The following EPN3 variants were observed in gnomAD, a reference collection of about 807,000 sequenced individuals.
EPN3 encodes epsin-3.
Under a neutral mutation model 55.5 loss-of-function variants are expected in EPN3, and 56 were observed. The ratio of observed to expected loss-of-function variants is 1.01; its 90% confidence interval spans 0.81 to 1.26. The LOEUF (loss-of-function observed/expected upper bound fraction) is 1.26, where lower values mean the gene tolerates loss of function less well. Among genes scored for constraint, EPN3 ranks in the 50% most tolerant of loss-of-function variants. The pLI is 0.00. For missense variants in EPN3, 927 were observed against 853.4 expected (o/e 1.09, Z -1.07); for synonymous variants, 449 against 375.2 (o/e 1.20, Z -2.27).
At chr17:50,535,386 C>T (rs2034744817) in intron 1 of EPN3, among the ~76,000 whole-genome samples, 1 of 152,216 alleles carries the variant, frequency 6.6e-6, no homozygotes, top group Non-Finnish European at 1.5e-5. Flanking sequence ...AGGTCCCATC[C>T]CCTCTCTGGC....
intron 3 of EPN3, 177 bp from the exon 4 acceptor site, chr17:50,538,707 T>C: frequency 1.9e-6 from 1 of 514,104 alleles, no homozygotes; most frequent in Non-Finnish European, 3.5e-6. Flanking sequence ...TAAACTGCAT[T>C]TCAGATGCAG....
chr17:50,539,444 G>A, intron 5 of EPN3, 129 bp downstream of exon 5: 1 of 1,389,922 alleles, frequency 7.2e-7, no homozygotes, highest in Non-Finnish European at 9.7e-7. Context: ...AAATAGGGGT[G>A]GGGGTGTAGC....
chr17:50,537,374 G>T lies in EPN3; in HGVS notation c.562+256G>T, dbSNP rs1038921899. On this transcript the variant is annotated intron_variant, in intron 2 of 9. Transcript: ENST00000268933. ...AGGATGGCGCGATAGTGGAAGCATGGGTTTGGAGTCAGATAGCATTCTATA... is the reference window on the plus strand; with the variant it reads ...AGGATGGCGCGATAGTGGAAGCATGTGTTTGGAGTCAGATAGCATTCTATA... The T allele has an allele frequency of 1.1e-5, 6 of 541,968 alleles. No individual in the cohort carries two copies. The Admixed American group carries it at 2.0e-4, about 18-fold the overall frequency. 33.6% of individuals were successfully genotyped at this position (541,968 alleles called of 1,614,324 possible). A position where few individuals can be genotyped will look rare whatever the true frequency, so the allele number is the denominator to read the frequency against.
chr17:50,535,174 C>T (rs943890898), intron 1 of EPN3, among the ~76,000 whole-genome samples: 10 of 152,200 alleles, frequency 6.6e-5, no homozygotes, highest in East Asian at 3.8e-4. Flanking sequence ...ATGTGTCCAG[C>T]GTTTTGGGGC....
chr17:50,542,095 A>T lies in EPN3; in HGVS notation c.1837A>T (p.Thr613Ser), dbSNP rs1597864857. 1.3e-6 allele frequency: 2 copies of T among 1,565,556 alleles called. No homozygotes were observed. The highest frequency in any genetic ancestry group is 1.7e-6 in the Non-Finnish European group (2 of 1,166,156). ...GAFAPQPLLP[T>S]PSSAGPRPPP... is the part of the protein sequence containing the mutation. ...CTTCGCACCGCAGCCGCTGCTGCCC[A>T]CGCCGAGCTCAGCCGGGCCGCGGCC... is the stretch of plus-strand genomic sequence containing the variant. Residue 613 changes from threonine to serine, a missense_variant, in exon 10 of 10, where the codon ACG (threonine) becomes TCG (serine). Coordinates refer to ENST00000268933, the MANE Select transcript of EPN3 (RefSeq NM_017957.3).
rs755709331 is a variant in EPN3 at position 50,536,847 on chromosome 17, C to G, written c.291C>G (p.Arg97=). The G allele has an allele frequency of 6.2e-7, 1 of 1,614,124 alleles. No homozygotes were observed. Among genetic ancestry groups the G allele is most frequent in the South Asian group, 1.1e-5 (1 of 91,084 alleles). ...CCGAGCGGGTGGCCCACCAGTGCCG[C>G]GAGAACCTCTACACCATCCAGACAC... ...TGSERVAHQC[R]ENLYTIQTLK... is the part of the protein sequence containing the mutation. The change falls in exon 2 of 10, where the codon CGC becomes CGG. Residue 97 remains arginine, a synonymous_variant. Transcript: ENST00000268933.
chr17:50,534,587 T>C (rs2034731166), intron 1 of EPN3: 6 of 985,400 alleles, frequency 6.1e-6, no homozygotes, highest in Non-Finnish European at 7.2e-6. Context: ...GTTAAACAAG[T>C]TGTGGCCGTG....
intron 5 of EPN3, among the ~76,000 whole-genome samples, chr17:50,540,032 CCCTA>C (rs1450038831): frequency 6.6e-6 from 1 of 152,218 alleles, no homozygotes; most frequent in Non-Finnish European, 1.5e-5. Context: ...ACATCATCTG[CCCTA>C]CCTACCTCAC....
rs1416911213 is a variant in EPN3, at chr17:50,534,564, G to A, written c.-137+1579G>A. Reference sequence around the variant, plus strand: ...AAGGCAGGTCTGAGTCACTAGCAAGGGGGAGGGCAGGAGTTAAACAAGTTG... The same window carrying A: ...AAGGCAGGTCTGAGTCACTAGCAAGAGGGAGGGCAGGAGTTAAACAAGTTG... On this transcript the variant is annotated intron_variant, in intron 1 of 9. Coordinates refer to ENST00000268933, the MANE Select transcript of EPN3 (RefSeq NM_017957.3). The A allele has an allele frequency of 1.0e-4, 103 of 985,374 alleles. 1 individual carries two copies. The highest frequency in any genetic ancestry group is 1.2e-4 in the Non-Finnish European group (102 of 829,974). 61.0% of individuals were successfully genotyped at this position (985,374 alleles called of 1,614,324 possible). A position where few individuals can be genotyped will look rare whatever the true frequency, so the allele number is the denominator to read the frequency against.
intron 2 of EPN3, 193 bp downstream of exon 2, chr17:50,537,311 G>A (rs1369984053): frequency 9.7e-6 from 6 of 620,338 alleles, no homozygotes; most frequent in East Asian, 2.8e-5. Context: ...AGATAATAAC[G>A]TTGTTATAGA....
intron 2 of EPN3, 153 bp from the exon 3 acceptor site, chr17:50,537,926 C>T (rs544880049): frequency 3.2e-6 from 2 of 620,578 alleles, no homozygotes; most frequent in South Asian, 4.0e-5. Flanking sequence ...GGGGAACTTA[C>T]AGAGTGCCTG....
Position 50,536,970 on chromosome 17 carries a change from G to A in EPN3, c.414G>A (p.Glu138=), listed in dbSNP as rs751305082. 1.2e-6 allele frequency: 2 copies of A among 1,613,912 alleles called. No homozygotes were observed. Among genetic ancestry groups the A allele is most frequent in the East Asian group, 2.2e-5 (1 of 44,886 alleles). Residue 138 remains glutamate (E), a synonymous_variant, in exon 2 of 10, where the codon GAG becomes GAA. Transcript: ENST00000268933. ...TGATGGCCCTGCTCAAGGATGAGGAGCGGCTGCGGCAGGAGCGAACCCACG... is the reference window on the plus strand; with the variant it reads ...TGATGGCCCTGCTCAAGGATGAGGAACGGCTGCGGCAGGAGCGAACCCACG... The part of the protein sequence containing the change: ...KQVMALLKDE[E]RLRQERTHAL...
rs574215490 is a variant in EPN3 at position 50,533,102 on chromosome 17, G to C, written c.-137+117G>C. On this transcript the variant is annotated intron_variant, in intron 1 of 9. Coordinates refer to ENST00000268933, the MANE Select transcript of EPN3 (RefSeq NM_017957.3). The stretch of plus-strand genomic sequence containing the variant: ...TTTTCCAGGTGCGAGGGAGAAGGCT[G>C]AGCTGTAGAGGACCTAAAGGCTTCT... 1.2e-5 allele frequency: 7 copies of C among 594,600 alleles called. No individual in the cohort carries two copies. In the African/African-American group the frequency reaches 1.2e-4, roughly 10 times the overall value. 36.8% of individuals were successfully genotyped at this position (594,600 alleles called of 1,614,324 possible).
At position 50,542,240 on chromosome 17, in the gene EPN3, CG is replaced by C; in HGVS notation, c.*85del. The C allele has an allele frequency of 7.3e-7, 1 of 1,361,212 alleles. No individual in the cohort carries two copies. Among genetic ancestry groups the C allele is most frequent in the South Asian group, 1.6e-5 (1 of 62,554 alleles). 84.3% of individuals were successfully genotyped at this position (1,361,212 alleles called of 1,614,324 possible). A position where few individuals can be genotyped will look rare whatever the true frequency, so the allele number is the denominator to read the frequency against. On this transcript the variant is annotated 3_prime_UTR_variant, in exon 10 of 10. Transcript: ENST00000268933. ...CCGGACCCGGGGCTGGGCGGGGCGC[CG>C]GTGCTAGTGGAACGCCGAGCCAGTG...
rs1430703368 is a variant in EPN3 at position 50,541,755 on chromosome 17, G to A, written c.1585+61G>A. On this transcript the variant is annotated intron_variant, in intron 9 of 9. Transcript: ENST00000268933. ...CTGCTTTCAGAGCCTAGCCTCCGCC[G>A]GAGGAGCCCACTCTTCTTCCCAACT... The A allele has an allele frequency of 1.4e-5, 23 of 1,606,968 alleles. No individual in the cohort carries two copies. The Admixed American group carries it at 3.0e-4, about 21-fold the overall frequency.
rs139261708 is a variant in EPN3 at position 50,536,928 on chromosome 17, C to T, written c.372C>T (p.Arg124=). Residue 124 remains arginine, a synonymous_variant, in exon 2 of 10, where the codon CGC becomes CGT. Coordinates refer to ENST00000268933, the MANE Select transcript of EPN3 (RefSeq NM_017957.3). ...RDGKDQGVNV[R]EKVKQVMALL... ...GCAAGGACCAGGGCGTCAACGTGCG[C>T]GAGAAGGTCAAGCAGGTGATGGCCC... is the stretch of plus-strand genomic sequence containing the variant. The T allele has an allele frequency of 4.9e-4, 796 of 1,614,128 alleles. 6 individuals carry two copies. In the African/African-American group the frequency reaches 8.7e-3, roughly 18 times the overall value.
intron 4 of EPN3, 90 bp downstream of exon 4, chr17:50,539,054 C>G (rs952067252): frequency 1.6e-5 from 25 of 1,535,926 alleles, no homozygotes; most frequent in African/African-American, 2.7e-5. Context: ...CCGCTGTACC[C>G]GGTGGCCCTG....
intron 2 of EPN3, 79 bp downstream of exon 2, chr17:50,537,197 T>G: frequency 7.4e-7 from 1 of 1,356,600 alleles, no homozygotes; most frequent in Non-Finnish European, 9.9e-7. Context: ...AAGCCATGGT[T>G]CATAATACCT....
chr17:50,537,107 C>A lies in EPN3; in HGVS notation c.551C>A (p.Ser184Tyr). Reference protein sequence around the residue: ...EDYSRSRGSPSSYNSSSSSPR... With the variant: ...EDYSRSRGSPYSYNSSSSSPR... Reference sequence around the variant, plus strand: ...TACAGCCGCTCCCGGGGCTCCCCGTCCTCCTACAACTGTGAGTAAGCCCCG... The same window carrying A: ...TACAGCCGCTCCCGGGGCTCCCCGTACTCCTACAACTGTGAGTAAGCCCCG... Residue 184 changes from serine to tyrosine, a missense_variant, in exon 2 of 10, where the codon TCC (serine) becomes TAC (tyrosine). Transcript: ENST00000268933. The A allele has an allele frequency of 1.3e-6, 2 of 1,599,932 alleles. No homozygotes were observed. Among genetic ancestry groups the A allele is most frequent in the Non-Finnish European group, 8.5e-7 (1 of 1,174,474 alleles).
Sources: gnomAD v4.1 joint callset for allele counts (sites outside exome capture counted in the v4.1 genomes callset) on GRCh38, gnomAD v4.1.1 for gene constraint, MANE v1.5 for transcripts, NCBI Gene and HGNC (gene_info 2026-07-23, HGNC 2026-07-21) for gene names.